PLEKHA3: variants seen among roughly 807,000 people sequenced by gnomAD.
The protein encoded by PLEKHA3 is pleckstrin homology domain containing A3.
In PLEKHA3, 19 loss-of-function variants were observed where a neutral mutation model predicts 39.2. The observed-to-expected ratio is 0.48, with a 90% CI of 0.34 to 0.71. The LOEUF (loss-of-function observed/expected upper bound fraction) is 0.71, where lower values mean the gene tolerates loss of function less well. PLEKHA3 is among the 30% of genes least tolerant of loss of function. The probability of loss-of-function intolerance (pLI) is 0.01; values close to 1 mark genes in which losing one functional copy is unlikely to be tolerated. For synonymous variants in PLEKHA3, 97 were observed against 118.6 expected (o/e 0.82, Z 1.18); for missense variants, 253 against 359.5 (o/e 0.70, Z 2.40).
intron 5 of PLEKHA3, among the ~76,000 whole-genome samples, chr2:178,496,801 A>G (rs551003760): frequency 1.3e-4 from 20 of 151,926 alleles, no homozygotes; most frequent in African/African-American, 4.6e-4. Flanking sequence ...TGCAGCCTCA[A>G]ACTCCCAAGT....
intron 2 of PLEKHA3, among the ~76,000 whole-genome samples, chr2:178,489,451 C>CTTTTTTTTTTTTTTT (rs71023445): frequency 2.4e-5 from 2 of 82,344 alleles, no homozygotes; most frequent in Non-Finnish European, 4.4e-5. Context: ...TCTTTTCCTT[C>CTTTTTTTTTTTTTTT]TTTTTTTTTT....
At chr2:178,503,188 A>G (rs1006490719) in intron 7 of PLEKHA3, among the ~76,000 whole-genome samples, 2 of 152,006 alleles carry the variant, frequency 1.3e-5, no homozygotes, top group African/African-American at 4.8e-5. Context: ...GTTAACATGG[A>G]GTTGCAGTGA....
At chr2:178,491,010 C>CTTTTTTTTTTTTT (rs1204723389) in intron 3 of PLEKHA3, among the ~76,000 whole-genome samples, 196 bp downstream of exon 3, 32 of 129,524 alleles carry the variant, frequency 2.5e-4, no homozygotes, top group African/African-American at 6.4e-4. Flanking sequence ...CTCTTTCTTT[C>CTTTTTTTTTTTTT]TTTTTTTTTT....
At position 178,504,317 on chromosome 2, in the gene PLEKHA3, C is replaced by G. The variant is rs1685573745; in HGVS notation, c.*430C>G. On this transcript the variant is annotated 3_prime_UTR_variant, in exon 8 of 8. Coordinates refer to ENST00000234453, the MANE Select transcript of PLEKHA3 (RefSeq NM_019091.4). The stretch of plus-strand genomic sequence containing the variant: ...GGACCAAATGGTCACTTTACCACAG[C>G]TAAAAATGAGTTACGATAGCAGCTT... The G allele has an allele frequency of 6.4e-6, 1 of 155,668 alleles. No individual in the cohort carries two copies. The highest frequency in any genetic ancestry group is 1.9e-4 in the South Asian group (1 of 5,152). The allele number at this position is 155,668 out of a possible 1,614,324, so 9.6% of individuals were successfully genotyped here. A position where few individuals can be genotyped will look rare whatever the true frequency, so the allele number is the denominator to read the frequency against.
At chr2:178,485,030 T>C (rs752013424) in intron 1 of PLEKHA3, among the ~76,000 whole-genome samples, 7 of 152,242 alleles carry the variant, frequency 4.6e-5, no homozygotes, top group Non-Finnish European at 1.0e-4. Context: ...TTTAAGAGAC[T>C]GGAATTCATT....
rs888485898 is a variant in PLEKHA3 at position 178,515,541 on chromosome 2, T to C, written c.*11654T>C. 2 of 152,264 alleles carry C rather than the reference T, an allele frequency of 1.3e-5. No individual in the cohort carries two copies. Among genetic ancestry groups the C allele is most frequent in the South Asian group, 4.1e-4 (2 of 4,832 alleles). 9.4% of individuals were successfully genotyped at this position (152,264 alleles called of 1,614,324 possible). ...AGGTATATTATTTCAGAAAAGAAAA[T>C]AATCACTTGGGAATGGCGGTGAGTT... On this transcript the variant is annotated 3_prime_UTR_variant, in exon 8 of 8. Transcript: ENST00000234453.
chr2:178,507,099 C>A lies in PLEKHA3; in HGVS notation c.*3212C>A, dbSNP rs1685613909. On this transcript the variant is annotated 3_prime_UTR_variant, in exon 8 of 8. Transcript: ENST00000234453. ...ATTCCAAAGACAAACACTTGGAACT[C>A]TTAGTGGTTTGTGTTAGTATTTACC... The A allele has an allele frequency of 6.6e-6, 1 of 152,128 alleles. No individual in the cohort carries two copies. The highest frequency in any genetic ancestry group is 2.1e-4 in the South Asian group (1 of 4,826). 9.4% of individuals were successfully genotyped at this position (152,128 alleles called of 1,614,324 possible).
chr2:178,490,838 G>A lies in PLEKHA3; in HGVS notation c.313+24G>A, dbSNP rs773085210. ...AGGTAACTATAAACTTTTCCCTTGT[G>A]GTGAGAGTACTTTCTTAAATATAAA... is the stretch of plus-strand genomic sequence containing the variant. On this transcript the variant is annotated intron_variant, in intron 3 of 7. Coordinates refer to ENST00000234453, the MANE Select transcript of PLEKHA3 (RefSeq NM_019091.4). 1.9e-6 allele frequency: 3 copies of A among 1,563,958 alleles called. No individual in the cohort carries two copies. In the South Asian group the frequency reaches 3.6e-5, roughly 19 times the overall value.
chr2:178,492,022 C>A (rs1685356326), intron 3 of PLEKHA3, among the ~76,000 whole-genome samples: 1 of 152,162 alleles, frequency 6.6e-6, no homozygotes, highest in Non-Finnish European at 1.5e-5. Context: ...CCTAACACTG[C>A]CACACTGGGG....
chr2:178,497,781 G>C (rs1685471119), intron 5 of PLEKHA3, among the ~76,000 whole-genome samples: 4 of 152,002 alleles, frequency 2.6e-5, no homozygotes, highest in Admixed American at 2.6e-4. Context: ...AAACACCTCA[G>C]AGTTGCCTTG....
At chr2:178,494,328 TAA>T (rs1685405363) in intron 4 of PLEKHA3, among the ~76,000 whole-genome samples, 1 of 152,202 alleles carries the variant, frequency 6.6e-6, no homozygotes, top group Non-Finnish European at 1.5e-5. Context: ...CTTTTTTTGG[TAA>T]TAAGGTCCCT....
At position 178,508,261 on chromosome 2, in the gene PLEKHA3, C is replaced by T. The variant is rs1462976933; in HGVS notation, c.*4374C>T. On this transcript the variant is annotated 3_prime_UTR_variant, in exon 8 of 8. Coordinates refer to ENST00000234453, the MANE Select transcript of PLEKHA3 (RefSeq NM_019091.4). ...TTGTTCTTTTTGTTATCCTCCAGCTCTTCTGTTGAATTTTCTTTATATATA... is the reference window on the plus strand; with the variant it reads ...TTGTTCTTTTTGTTATCCTCCAGCTTTTCTGTTGAATTTTCTTTATATATA... 6.5e-6 allele frequency: 1 copy of T among 153,088 alleles called. No homozygotes were observed. Among genetic ancestry groups the T allele is most frequent in the African/African-American group, 2.4e-5 (1 of 41,356 alleles). 9.5% of individuals were successfully genotyped at this position (153,088 alleles called of 1,614,324 possible). A position where few individuals can be genotyped will look rare whatever the true frequency, so the allele number is the denominator to read the frequency against.
chr2:178,504,607 C>G lies in PLEKHA3; in HGVS notation c.*720C>G, dbSNP rs1685577645. On this transcript the variant is annotated 3_prime_UTR_variant, in exon 8 of 8. Transcript: ENST00000234453. Reference sequence around the variant, plus strand: ...AAATTTAAGATGTGTATACGTTGTTCTTTACGTTGTTCTAGAAAAGAGATT... The same window carrying G: ...AAATTTAAGATGTGTATACGTTGTTGTTTACGTTGTTCTAGAAAAGAGATT... The G allele has an allele frequency of 6.6e-6, 1 of 152,150 alleles. No homozygotes were observed. The highest frequency in any genetic ancestry group is 1.5e-5 in the Non-Finnish European group (1 of 67,822). The allele number at this position is 152,150 out of a possible 1,614,324, so 9.4% of individuals were successfully genotyped here. A position where few individuals can be genotyped will look rare whatever the true frequency, so the allele number is the denominator to read the frequency against.
At position 178,506,018 on chromosome 2, in the gene PLEKHA3, A is replaced by G. The variant is rs770813062; in HGVS notation, c.*2131A>G. On this transcript the variant is annotated 3_prime_UTR_variant, in exon 8 of 8. Coordinates refer to ENST00000234453, the MANE Select transcript of PLEKHA3 (RefSeq NM_019091.4). ...GTGAATTAGTAGCATGAAGAAACCT[A>G]TAAAGCTTAAGGGAACCTTGCATTT... is the stretch of plus-strand genomic sequence containing the variant. The G allele has an allele frequency of 2.6e-5, 4 of 152,146 alleles. No homozygotes were observed. The highest frequency in any genetic ancestry group is 9.6e-5 in the African/African-American group (4 of 41,460). The allele number at this position is 152,146 out of a possible 1,614,324, so 9.4% of individuals were successfully genotyped here.
At position 178,515,593 on chromosome 2, in the gene PLEKHA3, A is replaced by T. The variant is rs1685749970; in HGVS notation, c.*11706A>T. 1 of 152,146 alleles carries T rather than the reference A, an allele frequency of 6.6e-6. No individual in the cohort carries two copies. The highest frequency in any genetic ancestry group is 2.1e-4 in the South Asian group (1 of 4,830). 9.4% of individuals were successfully genotyped at this position (152,146 alleles called of 1,614,324 possible). ...AGGGGGTCTGTTAACCATTTAATTT[A>T]GGATTGTTTATACATTTATTTACCT... On this transcript the variant is annotated 3_prime_UTR_variant, in exon 8 of 8. Coordinates refer to ENST00000234453, the MANE Select transcript of PLEKHA3 (RefSeq NM_019091.4).
intron 7 of PLEKHA3, among the ~76,000 whole-genome samples, chr2:178,503,460 G>A (rs1394441619): frequency 1.3e-5 from 2 of 151,854 alleles, no homozygotes; most frequent in Admixed American, 6.6e-5. Flanking sequence ...ATTCAATTCA[G>A]CAAATATTTA....
chr2:178,488,277 T>G (rs931192034), intron 2 of PLEKHA3, among the ~76,000 whole-genome samples: 1 of 152,248 alleles, frequency 6.6e-6, no homozygotes, highest in African/African-American at 2.4e-5. Context: ...ACTGTGTAGT[T>G]TATGTTTTCA....
In PLEKHA3 at chr2:178,493,940, T is replaced by A. The variant is rs1446832984; in HGVS notation, c.401T>A (p.Ile134Lys). 8 of 1,613,996 alleles carry A rather than the reference T, an allele frequency of 5.0e-6. No individual in the cohort carries two copies. The highest frequency in any genetic ancestry group is 1.3e-5 in the African/African-American group (1 of 74,932). Reference protein sequence around the residue: ...CDLLMQQVHTIQEFVHHDENH... With the variant: ...CDLLMQQVHTKQEFVHHDENH... ...CTCTTAATGCAGCAAGTTCATACAATACAGGAATTTGTTCACCATGATGAG... is the reference window on the plus strand; with the variant it reads ...CTCTTAATGCAGCAAGTTCATACAAAACAGGAATTTGTTCACCATGATGAG... The change falls in exon 4 of 8, where the codon ATA becomes AAA. Residue 134 changes from isoleucine (I) to lysine (K), a missense_variant. Physicochemically the swap from Ile to Lys is moderately radical, Grantham distance 102. Transcript: ENST00000234453.
Position 178,510,026 on chromosome 2 carries a change from C to T in PLEKHA3, c.*6139C>T, listed in dbSNP as rs1685659570. ...ACAGGCTAGGACTACAGGTGCTCGCCACCATGCCCAGCTAATTTTTGTATT... is the reference window on the plus strand; with the variant it reads ...ACAGGCTAGGACTACAGGTGCTCGCTACCATGCCCAGCTAATTTTTGTATT... On this transcript the variant is annotated 3_prime_UTR_variant, in exon 8 of 8. Coordinates refer to ENST00000234453, the MANE Select transcript of PLEKHA3 (RefSeq NM_019091.4). 1 of 152,168 alleles carries T rather than the reference C, an allele frequency of 6.6e-6. No individual in the cohort carries two copies. The highest frequency in any genetic ancestry group is 1.5e-5 in the Non-Finnish European group (1 of 68,084). 9.4% of individuals were successfully genotyped at this position (152,168 alleles called of 1,614,324 possible). A position where few individuals can be genotyped will look rare whatever the true frequency, so the allele number is the denominator to read the frequency against.
Sources: gnomAD v4.1 joint callset for allele counts (sites outside exome capture counted in the v4.1 genomes callset) on GRCh38, gnomAD v4.1.1 for gene constraint, MANE v1.5 for transcripts, NCBI Gene and HGNC (gene_info 2026-07-23, HGNC 2026-07-21) for gene names.